Variants in PCDHGA8 observed in about 807,000 individuals in gnomAD.
PCDHGA8 encodes protocadherin gamma-A8.
Under a neutral mutation model 59.2 loss-of-function variants are expected in PCDHGA8, and 45 were observed. The observed-to-expected ratio is 0.76, with a 90% CI of 0.60 to 0.98. The LOEUF (loss-of-function observed/expected upper bound fraction) is 0.98, where lower values mean the gene tolerates loss of function less well. Ranked by LOEUF, PCDHGA8 falls within the 50% of genes least tolerant of loss-of-function variation. PCDHGA8 has a pLI of 0.00. For missense variants in PCDHGA8, 1,257 were observed against 1,196.2 expected (o/e 1.05, Z -0.75); for synonymous variants, 531 against 519.0 (o/e 1.02, Z -0.32).
At chr5:141,421,469 G>A in intron 1 of PCDHGA8, 1 of 1,614,122 alleles carries the variant, frequency 6.2e-7, no homozygotes, top group Non-Finnish European at 8.5e-7. Flanking sequence ...GTGAATCCGC[G>A]AAGCGGCAGC....
In PCDHGA8 at chr5:141,502,866, C is replaced by CTTTTTTTTTTTTTTTTT. The variant is rs549047197; in HGVS notation, c.2484-2513_2484-2512insTTTTTTTTTTTTTTTTT. Among the ~76,000 whole-genome samples the CTTTTTTTTTTTTTTTTT allele has an allele frequency of 3.1e-5, 4 of 128,046 alleles. 1 individual carries two copies. 84.0% of individuals were successfully genotyped at this position (128,046 alleles called of 152,430 possible). A position where few individuals can be genotyped will look rare whatever the true frequency, so the allele number is the denominator to read the frequency against. ...GAGCTGCCTAACCCTGACTCTCTGTCTTTTTTTTTTTTTTGACAGGGAGTC... is the reference window on the plus strand; with the variant it reads ...GAGCTGCCTAACCCTGACTCTCTGTCTTTTTTTTTTTTTTTTTTTTTTTTTTTTTTTGACAGGGAGTC... On this transcript the variant is annotated intron_variant, in intron 2 of 3. Transcript: ENST00000398604.
intron 1 of PCDHGA8, chr5:141,421,848 T>C (rs571838248): frequency 4.9e-5 from 79 of 1,613,634 alleles, no homozygotes; most frequent in Non-Finnish European, 6.0e-5. Flanking sequence ...AGAAAGAGGC[T>C]GCTCACCTGC....
In PCDHGA8 at chr5:141,395,106, A is replaced by G; in HGVS notation, c.2293A>G (p.Lys765Glu). The change falls in exon 1 of 4, where the codon AAG (lysine) becomes GAG (glutamate). Residue 765 changes from lysine (K) to glutamate (E), a missense_variant. Coordinates refer to ENST00000398604, the MANE Select transcript of PCDHGA8 (RefSeq NM_032088.2). ...QEVSLTADSR[K>E]SHLIFPQPNY... ...AGTCTCCCTCACCGCCGACTCGCGG[A>G]AGAGTCACCTGATCTTTCCCCAGCC... 3.1e-6 allele frequency: 5 copies of G among 1,614,150 alleles called. No homozygotes were observed. The highest frequency in any genetic ancestry group is 3.3e-5 in the Admixed American group (2 of 60,022).
chr5:141,480,429 T>C (rs72790066), intron 1 of PCDHGA8, among the ~76,000 whole-genome samples: 4 of 151,864 alleles, frequency 2.6e-5, no homozygotes, highest in African/African-American at 9.7e-5. Flanking sequence ...AAAAAAATTA[T>C]CAGCTATTAC....
Position 141,476,698 on chromosome 5 carries a change from G to C in PCDHGA8, c.2425-18109G>C, listed in dbSNP as rs2075661. Reference sequence around the variant, plus strand: ...CGCGGGAGGACAGCACCAAGTACGCGGAGCTGGTGTTGGAGCGCGCCCTGG... The same window carrying C: ...CGCGGGAGGACAGCACCAAGTACGCCGAGCTGGTGTTGGAGCGCGCCCTGG... On this transcript the variant is annotated intron_variant, in intron 1 of 3. Transcript: ENST00000398604. The surrounding 1 kb of genome is among the most constrained non-coding windows in gnomAD (Gnocchi z 7.6). The C allele has an allele frequency of 0.2, 326,683 of 1,614,030 alleles. 35,085 individuals carry two copies. Among genetic ancestry groups the C allele is most frequent in the Admixed American group, 0.37 (22,021 of 59,992 alleles).
intron 1 of PCDHGA8, among the ~76,000 whole-genome samples, chr5:141,466,757 T>G (rs1486124876): frequency 6.6e-6 from 1 of 152,224 alleles, no homozygotes; most frequent in Non-Finnish European, 1.5e-5. Context: ...AGGGGCTCTT[T>G]TCAAACTGTT....
intron 1 of PCDHGA8, chr5:141,422,520 G>A (rs759529752): frequency 1.9e-6 from 3 of 1,613,946 alleles, no homozygotes; most frequent in South Asian, 2.2e-5. Flanking sequence ...AGGGAAGCCC[G>A]CCTTTGTCTG....
Position 141,424,835 on chromosome 5 carries a change from T to C in PCDHGA8, c.2424+29598T>C, listed in dbSNP as rs999861185. Among the ~76,000 whole-genome samples, 20 of 152,310 alleles carry C rather than the reference T, an allele frequency of 1.3e-4. No individual in the cohort carries two copies. The South Asian group carries it at 3.5e-3, about 27-fold the overall frequency. On this transcript the variant is annotated intron_variant, in intron 1 of 3. Coordinates refer to ENST00000398604, the MANE Select transcript of PCDHGA8 (RefSeq NM_032088.2). ...AAGCTTGATAGTTGCCTGACATACA[T>C]GTTATCTGAAGCAATGTCTAGGAAA... is the stretch of plus-strand genomic sequence containing the variant.
At position 141,505,378 on chromosome 5, in the gene PCDHGA8, C is replaced by T. The variant is rs376550639; in HGVS notation, c.2484-15C>T. 2 of 1,614,034 alleles carry T rather than the reference C, an allele frequency of 1.2e-6. No homozygotes were observed. The highest frequency in any genetic ancestry group is 2.2e-5 in the East Asian group (1 of 44,872). On this transcript the variant is annotated splice_polypyrimidine_tract_variant and intron_variant, in intron 2 of 3. Transcript: ENST00000398604. ...GGCCTGGGAGTCTGTGCTCACCATC[C>T]TACTCTCTCCCCAGCTCCCAAAATG...
chr5:141,408,309 C>G, intron 1 of PCDHGA8: 1 of 1,613,816 alleles, frequency 6.2e-7, no homozygotes, highest in South Asian at 1.1e-5. Context: ...ATCCGCTACT[C>G]GATTCCGGAG....
In PCDHGA8 at chr5:141,441,877, C is replaced by T. The variant is rs945298341; in HGVS notation, c.2424+46640C>T. ...GCTGCACGCCGCGGAGCCTGGCTACCTGGTCACCAAGGTGGTGGCTGTAGA... is the reference window on the plus strand; with the variant it reads ...GCTGCACGCCGCGGAGCCTGGCTACTTGGTCACCAAGGTGGTGGCTGTAGA... On this transcript the variant is annotated intron_variant, in intron 1 of 3. Transcript: ENST00000398604. 4 of 343,582 alleles carry T rather than the reference C, an allele frequency of 1.2e-5. No homozygotes were observed. In the Admixed American group the frequency reaches 1.6e-4, roughly 13 times the overall value. 21.3% of individuals were successfully genotyped at this position (343,582 alleles called of 1,614,324 possible).
intron 1 of PCDHGA8, chr5:141,414,381 T>A: frequency 6.2e-7 from 1 of 1,613,866 alleles, no homozygotes. Context: ...AAAAGTCCAT[T>A]GACAGTTATT....
intron 3 of PCDHGA8, chr5:141,507,424 G>C (rs577364087): frequency 6.6e-6 from 1 of 152,202 alleles, no homozygotes; most frequent in African/African-American, 2.4e-5. Context: ...GGTTAAGTGG[G>C]GCCAGGCCTA....
At position 141,489,298 on chromosome 5, in the gene PCDHGA8, T is replaced by C; in HGVS notation, c.2425-5509T>C. On this transcript the variant is annotated intron_variant, in intron 1 of 3. Transcript: ENST00000398604. This position sits in a 1 kb window ranked among gnomAD's most constrained non-coding sequence, Gnocchi z 4.5. ...GAAATGGCAAGTGCTGTGCATGTTG[T>C]CCTTGTGCTGCTGGGGCTGGGTGTC... The C allele has an allele frequency of 6.3e-7, 1 of 1,584,418 alleles. No individual in the cohort carries two copies. The highest frequency in any genetic ancestry group is 8.6e-7 in the Non-Finnish European group (1 of 1,165,192).
intron 2 of PCDHGA8, among the ~76,000 whole-genome samples, chr5:141,499,829 G>A (rs1322405697): frequency 6.6e-6 from 1 of 151,548 alleles, no homozygotes; most frequent in African/African-American, 2.4e-5. Context: ...TAGGATTACA[G>A]GTGTGCACCA....
Position 141,477,545 on chromosome 5 carries a change from C to T in PCDHGA8, c.2425-17262C>T. The T allele has an allele frequency of 6.2e-7, 1 of 1,614,194 alleles. No individual in the cohort carries two copies. Among genetic ancestry groups the T allele is most frequent in the South Asian group, 1.1e-5 (1 of 91,086 alleles). On this transcript the variant is annotated intron_variant, in intron 1 of 3. Coordinates refer to ENST00000398604, the MANE Select transcript of PCDHGA8 (RefSeq NM_032088.2). The surrounding 1 kb of genome is among the most constrained non-coding windows in gnomAD (Gnocchi z 4.9). ...AAACAACCTCCCCGGGGCTCCAATA[C>T]TAAACCTAAGTGTCTGGGACCCCGA...
chr5:141,474,011 A>T (rs910186122), intron 1 of PCDHGA8, among the ~76,000 whole-genome samples: 2 of 152,112 alleles, frequency 1.3e-5, no homozygotes, highest in Non-Finnish European at 2.9e-5. Flanking sequence ...TGGAAGTTAC[A>T]GTGAGCTATG....
intron 1 of PCDHGA8, chr5:141,422,397 C>A (rs753017439): frequency 6.3e-6 from 10 of 1,597,488 alleles, no homozygotes; most frequent in African/African-American, 2.7e-5. Context: ...TTCCTAACCA[C>A]CTGCCTTTTA....
rs2097370658 is a variant in PCDHGA8 at position 141,431,413 on chromosome 5, C to T, written c.2424+36176C>T. The T allele has an allele frequency of 1.2e-6, 2 of 1,613,564 alleles. No homozygotes were observed. Among genetic ancestry groups the T allele is most frequent in the African/African-American group, 2.7e-5 (2 of 74,952 alleles). ...TGGTCCTTACGGCCTCCGACGGGGG[C>T]GACCCGGTGCGCACAGGCACCGCGC... On this transcript the variant is annotated intron_variant, in intron 1 of 3. Transcript: ENST00000398604. This position sits in a 1 kb window ranked among gnomAD's most constrained non-coding sequence, Gnocchi z 4.8.
Sources: gnomAD v4.1 joint callset for allele counts (sites outside exome capture counted in the v4.1 genomes callset) on GRCh38, gnomAD v4.1.1 for gene constraint, Gnocchi (gnomAD v3.1) non-coding constraint, MANE v1.5 for transcripts, NCBI Gene and HGNC (gene_info 2026-07-23, HGNC 2026-07-21) for gene names.